The following SMYD3 variants were observed in gnomAD, a reference collection of about 807,000 sequenced individuals.
SMYD3 encodes the protein SET and MYND domain containing 3, also known as histone-lysine N-methyltransferase SMYD3.
SMYD3 carries 36 observed loss-of-function variants against 57.7 expected under a neutral mutation model. The observed-to-expected ratio is 0.62, with a 90% confidence interval of 0.48 to 0.82. SMYD3 has a LOEUF of 0.82. SMYD3 is among the 40% of genes least tolerant of loss of function. The probability of loss-of-function intolerance (pLI) is 0.00; values close to 1 mark genes in which losing one functional copy is unlikely to be tolerated. For synonymous variants in SMYD3, 211 were observed against 195.0 expected (o/e 1.08, Z -0.68); for missense variants, 515 against 538.8 (o/e 0.96, Z 0.44).
intron 1 of SMYD3, among the ~76,000 whole-genome samples, chr1:246,494,368 T>C (rs911735372): frequency 6.6e-6 from 1 of 152,242 alleles, no homozygotes; most frequent in African/African-American, 2.4e-5. Context: ...ACTTTTTTTT[T>C]ATTCCTTTCC....
chr1:246,079,111 T>A (rs2147827494), intron 5 of SMYD3, among the ~76,000 whole-genome samples: 1 of 152,318 alleles, frequency 6.6e-6, no homozygotes, highest in African/African-American at 2.4e-5. Flanking sequence ...GTGATCATTC[T>A]GGCCAATAGG....
intron 5 of SMYD3, chr1:245,947,271 A>G (rs10802300): frequency 0.71 from 302,140 of 427,594 alleles, 115,636 homozygotes; most frequent in Non-Finnish European, 0.82. Flanking sequence ...AAGAGCAAGT[A>G]GCTAAAGGAA....
chr1:246,077,536 T>TA (rs5782380), intron 5 of SMYD3, among the ~76,000 whole-genome samples: 56,054 of 150,134 alleles, frequency 0.37, 13,194 homozygotes, highest in African/African-American at 0.66. Flanking sequence ...ATTTAAAATT[T>TA]AAAAAAAAGA....
At chr1:246,317,310 G>A (rs1031039353) in intron 5 of SMYD3, among the ~76,000 whole-genome samples, 2 of 152,280 alleles carry the variant, frequency 1.3e-5, no homozygotes, top group South Asian at 2.1e-4. Flanking sequence ...AAGTATTTCC[G>A]ATCCTTTTTT....
At chr1:246,301,355 CT>C (rs1264946408) in intron 5 of SMYD3, among the ~76,000 whole-genome samples, 2 of 152,078 alleles carry the variant, frequency 1.3e-5, no homozygotes, top group East Asian at 3.9e-4. Context: ...CAATAAGTAA[CT>C]GTGATAAAAG....
chr1:245,876,334 T>C (rs1034854322), intron 8 of SMYD3, among the ~76,000 whole-genome samples: 1 of 152,192 alleles, frequency 6.6e-6, no homozygotes, highest in African/African-American at 2.4e-5. Flanking sequence ...AGGCAAATGA[T>C]ATCAGCATCT....
At chr1:246,365,493 T>TAA (rs10542908) in intron 1 of SMYD3, among the ~76,000 whole-genome samples, 2 of 90,504 alleles carry the variant, frequency 2.2e-5, no homozygotes, top group Non-Finnish European at 4.4e-5. Flanking sequence ...AGACCCTGTC[T>TAA]AAAAAAAAAA....
At chr1:246,309,438 T>C (rs2065038414) in intron 5 of SMYD3, among the ~76,000 whole-genome samples, 2 of 152,186 alleles carry the variant, frequency 1.3e-5, no homozygotes, top group African/African-American at 4.8e-5. Context: ...ACATCAAACA[T>C]GTCAGAACTG....
intron 5 of SMYD3, among the ~76,000 whole-genome samples, chr1:245,932,223 C>T (rs369107406): frequency 6.1e-4 from 93 of 152,230 alleles, no homozygotes; most frequent in Middle Eastern, 3.4e-3. Flanking sequence ...TTTTCCTGGA[C>T]TATGAAGCAA....
At chr1:246,229,032 G>C (rs1038445526) in intron 5 of SMYD3, among the ~76,000 whole-genome samples, 1 of 151,912 alleles carries the variant, frequency 6.6e-6, no homozygotes, top group African/African-American at 2.4e-5. Flanking sequence ...CAACCTAATG[G>C]GGCTGTAACA....
At chr1:245,806,094 T>C (rs934167516) in intron 10 of SMYD3, among the ~76,000 whole-genome samples, 2 of 152,184 alleles carry the variant, frequency 1.3e-5, no homozygotes, top group African/African-American at 2.4e-5. Context: ...AAGACAGTTA[T>C]GAAGAAGACG....
intron 10 of SMYD3, among the ~76,000 whole-genome samples, chr1:245,817,216 C>A (rs1326165412): frequency 6.8e-6 from 1 of 146,282 alleles, no homozygotes; most frequent in African/African-American, 2.6e-5. Context: ...GGGCAGACTG[C>A]CTCCTCAAGT....
chr1:245,860,173 C>G (rs565180734), intron 9 of SMYD3, among the ~76,000 whole-genome samples: 1 of 152,028 alleles, frequency 6.6e-6, no homozygotes, highest in Non-Finnish European at 1.5e-5. Flanking sequence ...CCCCCACACC[C>G]CTCCCACTCC....
chr1:246,487,695 C>CTT (rs1169903118), intron 1 of SMYD3, among the ~76,000 whole-genome samples: 17 of 138,966 alleles, frequency 1.2e-4, no homozygotes, highest in Admixed American at 5.1e-4. Context: ...CCACTCAGAT[C>CTT]TTTTTTTTTT....
intron 5 of SMYD3, among the ~76,000 whole-genome samples, chr1:246,244,894 T>A (rs896570239): frequency 1.3e-5 from 2 of 152,232 alleles, no homozygotes; most frequent in Non-Finnish European, 2.9e-5. Flanking sequence ...ACATTATTCA[T>A]GAACTATTCT....
chr1:245,799,519 C>T (rs750633979), intron 10 of SMYD3, among the ~76,000 whole-genome samples: 1 of 145,358 alleles, frequency 6.9e-6, no homozygotes. Context: ...TCTGAGATAT[C>T]ATGACAAGAA....
chr1:245,899,696 A>G (rs2054061188), intron 8 of SMYD3, among the ~76,000 whole-genome samples: 1 of 152,228 alleles, frequency 6.6e-6, no homozygotes, highest in South Asian at 2.1e-4. Flanking sequence ...CATTATTCAT[A>G]GAGTGTCTGT....
intron 1 of SMYD3, among the ~76,000 whole-genome samples, chr1:246,452,309 C>G (rs936755079): frequency 6.6e-6 from 1 of 152,060 alleles, no homozygotes; most frequent in African/African-American, 2.4e-5. Context: ...AGTTCGAGAC[C>G]AGCTTGGCCA....
At chr1:246,018,457 G>C (rs549222159) in intron 5 of SMYD3, among the ~76,000 whole-genome samples, 49 of 152,248 alleles carry the variant, frequency 3.2e-4, no homozygotes, top group Non-Finnish European at 6.2e-4. Flanking sequence ...CATGACTTTT[G>C]AACTGAGCTT....
Sources: allele counts gnomAD v4.1 joint callset (sites outside exome capture counted in the v4.1 genomes callset), GRCh38; gene constraint gnomAD v4.1.1; transcripts MANE v1.5; gene names NCBI Gene and HGNC (gene_info 2026-07-23, HGNC 2026-07-21).